Variants in LYZL4 observed in about 807,000 individuals in gnomAD.
LYZL4 encodes lysozyme like 4, also known as lysozyme-like protein 4.
A neutral mutation model predicts 17.6 loss-of-function variants in LYZL4; 13 were observed. That is an observed-to-expected ratio of 0.74 (90% confidence interval 0.48 to 1.18). The LOEUF is 1.18. LYZL4 is among the 50% of genes most tolerant of loss of function. The pLI is 0.00. For missense variants in LYZL4, 174 were observed against 188.2 expected (o/e 0.92, Z 0.44); for synonymous variants, 64 against 67.7 (o/e 0.95, Z 0.27).
the LYZL4 span, among the ~76,000 whole-genome samples, chr3:42,367,983 A>G: frequency 6.6e-6 from 1 of 152,240 alleles, no homozygotes; most frequent in Non-Finnish European, 1.5e-5. Flanking sequence ...AGGTCTCACA[A>G]GAATCCTAAG....
At chr3:42,382,475 C>T in the LYZL4 span, among the ~76,000 whole-genome samples, 7 of 151,936 alleles carry the variant, frequency 4.6e-5, no homozygotes, top group South Asian at 1.5e-3. Context: ...AATATTATTG[C>T]TATTATTGAG....
At chr3:42,393,524 CT>C (rs1201808636), downstream of LYZL4, among the ~76,000 whole-genome samples, 3 of 152,206 alleles carry the variant, frequency 2.0e-5, no homozygotes, top group African/African-American at 7.2e-5. Context: ...GCCAGGGTCA[CT>C]CACTTTGTTG....
At chr3:42,386,192 T>G in the LYZL4 span, among the ~76,000 whole-genome samples, 1 of 152,096 alleles carries the variant, frequency 6.6e-6, no homozygotes, top group Non-Finnish European at 1.5e-5. Context: ...AACTTCCACC[T>G]CCCGGGTTCA....
chr3:42,377,625 CTGTGTGTGTGTGTGTGTG>C, the LYZL4 span, among the ~76,000 whole-genome samples: 71 of 143,792 alleles, frequency 4.9e-4, 1 homozygote, highest in South Asian at 0.014. Flanking sequence ...GCATGACTCT[CTGTGTGTGTGTGTGTGTG>C]TGTGTGTGTG....
intron 3 of LYZL4, among the ~76,000 whole-genome samples, chr3:42,404,650 T>C (rs1698717274): frequency 6.6e-6 from 1 of 152,204 alleles, no homozygotes; most frequent in South Asian, 2.1e-4. Context: ...TCTGGAGAGA[T>C]AGAGATATAG....
chr3:42,393,276 C>T (rs1698511469), downstream of LYZL4, among the ~76,000 whole-genome samples: 1 of 152,074 alleles, frequency 6.6e-6, no homozygotes, highest in African/African-American at 2.4e-5. Context: ...TCTTCTTACT[C>T]CAGTAAGGGA....
At chr3:42,379,890 G>A in the LYZL4 span, among the ~76,000 whole-genome samples, 1 of 152,160 alleles carries the variant, frequency 6.6e-6, no homozygotes, top group Non-Finnish European at 1.5e-5. Context: ...CCCTTATCCT[G>A]GGATTAGTGC....
chr3:42,404,174 G>A, intron 3 of LYZL4, 50 bp from the exon 4 acceptor site: 1 of 1,267,974 alleles, frequency 7.9e-7, no homozygotes. Flanking sequence ...TGACAGTTAA[G>A]TTAGAGTGAT....
the LYZL4 span, among the ~76,000 whole-genome samples, chr3:42,372,905 G>C: frequency 6.6e-6 from 1 of 152,094 alleles, no homozygotes; most frequent in South Asian, 2.1e-4. Flanking sequence ...TGTCTGAACT[G>C]GGCTAGAATT....
At chr3:42,405,149 C>T (rs1177864544) in intron 3 of LYZL4, among the ~76,000 whole-genome samples, 1 of 152,008 alleles carries the variant, frequency 6.6e-6, no homozygotes, top group South Asian at 2.1e-4. Flanking sequence ...CCCAGGTTCA[C>T]GCCATTCTCC....
chr3:42,380,680 A>G, the LYZL4 span, among the ~76,000 whole-genome samples: 2 of 152,270 alleles, frequency 1.3e-5, no homozygotes, highest in Middle Eastern at 6.8e-3. Flanking sequence ...ATATTTTGTG[A>G]ACCACTGATC....
chr3:42,373,206 T>A, the LYZL4 span, among the ~76,000 whole-genome samples: 1 of 152,008 alleles, frequency 6.6e-6, no homozygotes, highest in Non-Finnish European at 1.5e-5. Flanking sequence ...CAAAACTCTG[T>A]CTCAAAATAA....
chr3:42,392,674 T>A (rs565355891), downstream of LYZL4, among the ~76,000 whole-genome samples: 10 of 152,148 alleles, frequency 6.6e-5, no homozygotes, highest in Admixed American at 3.3e-4. Context: ...GGCTGTGGAA[T>A]CTAAGCCAGG....
intron 3 of LYZL4, among the ~76,000 whole-genome samples, chr3:42,404,826 C>T (rs893157645): frequency 3.3e-5 from 5 of 152,022 alleles, no homozygotes; most frequent in African/African-American, 4.8e-5. Flanking sequence ...ATTGAATGTA[C>T]CATCATTTCA....
At chr3:42,360,935 T>C in the LYZL4 span, among the ~76,000 whole-genome samples, 43 of 152,218 alleles carry the variant, frequency 2.8e-4, no homozygotes, top group Admixed American at 4.6e-4. Flanking sequence ...TTTTCAATTT[T>C]CAAGTTTGTC....
At chr3:42,383,228 C>T in the LYZL4 span, among the ~76,000 whole-genome samples, 1 of 152,122 alleles carries the variant, frequency 6.6e-6, no homozygotes, top group Non-Finnish European at 1.5e-5. Flanking sequence ...ACTCCTCAAC[C>T]TTCCTCCCAA....
chr3:42,364,287 C>CAATT, the LYZL4 span, among the ~76,000 whole-genome samples: 1 of 151,728 alleles, frequency 6.6e-6, no homozygotes, highest in Non-Finnish European at 1.5e-5. Flanking sequence ...ACCTGCATTG[C>CAATT]AATTATCTGG....
the LYZL4 span, among the ~76,000 whole-genome samples, chr3:42,374,758 A>G: frequency 1.3e-5 from 2 of 152,278 alleles, no homozygotes; most frequent in Admixed American, 1.3e-4. Flanking sequence ...TTCTTACAAT[A>G]AATTAAGTTT....
the LYZL4 span, among the ~76,000 whole-genome samples, chr3:42,367,712 T>C: frequency 2.0e-5 from 3 of 152,202 alleles, no homozygotes; most frequent in Admixed American, 2.0e-4. Context: ...GGGGCTTTCT[T>C]GAATGATTGC....
Sources: allele counts gnomAD v4.1 joint callset (sites outside exome capture counted in the v4.1 genomes callset), GRCh38; gene constraint gnomAD v4.1.1; transcripts MANE v1.5; gene names NCBI Gene and HGNC (gene_info 2026-07-23, HGNC 2026-07-21).